Variants in INTS4 observed in about 807,000 individuals in gnomAD.
The protein encoded by INTS4 is MSTP093.
Under a neutral mutation model 119.5 loss-of-function variants are expected in INTS4, and 70 were observed. The ratio of observed to expected loss-of-function variants is 0.59; its 90% CI spans 0.48 to 0.71. The LOEUF (loss-of-function observed/expected upper bound fraction) is 0.71, where lower values mean the gene tolerates loss of function less well. Among genes scored for constraint, INTS4 ranks in the 30% least tolerant of loss-of-function variants. INTS4 has a pLI of 0.00. For synonymous variants in INTS4, 316 were observed against 419.6 expected (o/e 0.75, Z 3.02); for missense variants, 867 against 1,173.2 (o/e 0.74, Z 3.81).
downstream of INTS4, among the ~76,000 whole-genome samples, chr11:77,876,645 CT>C (rs1951602867): frequency 6.6e-6 from 1 of 152,128 alleles, no homozygotes; most frequent in African/African-American, 2.4e-5. Context: ...TCTTACACAG[CT>C]TTTAAAAATG....
At chr11:77,988,257 C>G (rs577304470) in intron 2 of INTS4, among the ~76,000 whole-genome samples, 2 of 152,134 alleles carry the variant, frequency 1.3e-5, no homozygotes, top group Non-Finnish European at 2.9e-5. Context: ...ACAATTGCAA[C>G]GCATAAGACT....
At chr11:77,964,710 G>A (rs1045320987) in intron 4 of INTS4, among the ~76,000 whole-genome samples, 1 of 151,852 alleles carries the variant, frequency 6.6e-6, no homozygotes, top group Non-Finnish European at 1.5e-5. Context: ...AGGAAGGAAT[G>A]AGGAAGGGCA....
chr11:77,885,058 C>A (rs687037), intron 21 of INTS4: 26,380 of 156,716 alleles, frequency 0.17, 2,652 homozygotes, highest in Middle Eastern at 0.24. Flanking sequence ...TTGTGCCCAG[C>A]CTACCCTTAT....
intron 21 of INTS4, among the ~76,000 whole-genome samples, chr11:77,890,431 C>G (rs1446695773): frequency 6.6e-6 from 1 of 151,946 alleles, no homozygotes; most frequent in Non-Finnish European, 1.5e-5. Flanking sequence ...CCCTTTGGCC[C>G]TTCTCTCATA....
intron 15 of INTS4, among the ~76,000 whole-genome samples, chr11:77,912,736 G>C (rs10751278): frequency 0.75 from 113,503 of 152,112 alleles, 42,867 homozygotes; most frequent in African/African-American, 0.86. Flanking sequence ...TCTAAAACGC[G>C]ATCTTTATTC....
intron 4 of INTS4, among the ~76,000 whole-genome samples, chr11:77,966,112 T>C (rs1174466820): frequency 6.6e-6 from 1 of 152,244 alleles, no homozygotes; most frequent in Non-Finnish European, 1.5e-5. Context: ...CTGTAAGAAG[T>C]GTCTGTTCTG....
In INTS4 at chr11:77,960,395, G is replaced by A; in HGVS notation, c.658-4C>T. 1 of 1,570,656 alleles carries A rather than the reference G, an allele frequency of 6.4e-7. No homozygotes were observed. The highest frequency in any genetic ancestry group is 8.7e-7 in the Non-Finnish European group (1 of 1,142,940). On this transcript the variant is annotated splice_polypyrimidine_tract_variant and splice_region_variant and intron_variant, in intron 5 of 22. Transcript: ENST00000534064. ...GTCCTCTTTCATGGAGCTGCAACTA[G>A]ATAATAAATATATAGTTTAAGTGCT...
chr11:77,875,822 C>A (rs1177881559), downstream of INTS4, among the ~76,000 whole-genome samples: 1 of 152,154 alleles, frequency 6.6e-6, no homozygotes, highest in African/African-American at 2.4e-5. Flanking sequence ...CTGAGGAGCA[C>A]ATTCCCAGGC....
At chr11:77,962,445 T>C (rs1035170776) in intron 4 of INTS4, among the ~76,000 whole-genome samples, 1 of 152,192 alleles carries the variant, frequency 6.6e-6, no homozygotes, top group Non-Finnish European at 1.5e-5. Context: ...TAATAAATTA[T>C]CAGTTTTCCT....
chr11:77,901,224 A>G (rs537140879), intron 18 of INTS4, 197 bp downstream of exon 18: 13 of 654,614 alleles, frequency 2.0e-5, no homozygotes, highest in African/African-American at 1.8e-4. Flanking sequence ...GAGAGACACA[A>G]TTGGATTTCC....
In INTS4 at chr11:77,892,830, G is replaced by A. The variant is rs566198809; in HGVS notation, c.2289-990C>T. Among the ~76,000 whole-genome samples, 9 of 152,204 alleles carry A rather than the reference G, an allele frequency of 5.9e-5. No individual in the cohort carries two copies. The South Asian group carries it at 1.2e-3, about 21-fold the overall frequency. ...GAACTCCTGACCTCGTGATCCACCC[G>A]CCTCAGCCTCCCAAAGTGCTGGGAT... On this transcript the variant is annotated intron_variant, in intron 19 of 22. Transcript: ENST00000534064.
chr11:77,979,094 G>T lies in INTS4; in HGVS notation c.373C>A (p.Gln125Lys), dbSNP rs1021612893. 4 of 1,602,030 alleles carry T rather than the reference G, an allele frequency of 2.5e-6. No individual in the cohort carries two copies. Among genetic ancestry groups the T allele is most frequent in the Non-Finnish European group, 3.4e-6 (4 of 1,169,486 alleles). The change falls in exon 4 of 23, where the codon CAA becomes AAA. Residue 125 changes from glutamine (Q) to lysine (K), a missense_variant. Transcript: ENST00000534064. ...INILQNEKSH[Q>K]VLAQLLDTLL... is the part of the protein sequence containing the mutation. ...GTATCCAGCAGTTGAGCTAGGACTT[G>T]ATGAGACTCTAGAGAGGGAGATAGA...
chr11:77,972,865 T>C (rs1280434173), intron 4 of INTS4, among the ~76,000 whole-genome samples: 1 of 151,646 alleles, frequency 6.6e-6, no homozygotes, highest in Non-Finnish European at 1.5e-5. Flanking sequence ...TAGGGTCTCA[T>C]TCTGCTGCCC....
intron 7 of INTS4, 34 bp from the exon 8 acceptor site, chr11:77,956,096 A>G: frequency 1.9e-6 from 3 of 1,568,896 alleles, no homozygotes; most frequent in Non-Finnish European, 2.6e-6. Context: ...AATCACTTAG[A>G]ACAAAACATG....
intron 8 of INTS4, among the ~76,000 whole-genome samples, chr11:77,949,302 G>C (rs1308115361): frequency 6.6e-6 from 1 of 152,010 alleles, no homozygotes; most frequent in African/African-American, 2.4e-5. Context: ...TCAGGACATA[G>C]GCATGGGCAA....
intron 10 of INTS4, among the ~76,000 whole-genome samples, chr11:77,932,653 C>T (rs912451907): frequency 6.6e-6 from 1 of 152,116 alleles, no homozygotes; most frequent in Non-Finnish European, 1.5e-5. Flanking sequence ...AGAACACATG[C>T]ACACATATGT....
intron 10 of INTS4, among the ~76,000 whole-genome samples, chr11:77,937,815 C>CTGTA (rs1555031779): frequency 1.5e-5 from 2 of 129,862 alleles, no homozygotes; most frequent in Non-Finnish European, 3.1e-5. Context: ...AAATATCTTT[C>CTGTA]TGTATTTATT....
At chr11:77,919,908 A>G (rs1334009578) in intron 14 of INTS4, among the ~76,000 whole-genome samples, 1 of 152,038 alleles carries the variant, frequency 6.6e-6, no homozygotes, top group Non-Finnish European at 1.5e-5. Context: ...TCCTGGGTTC[A>G]AGCAATTCTC....
chr11:77,963,271 CCCTTA>C (rs1386606385), intron 4 of INTS4, among the ~76,000 whole-genome samples: 3 of 150,660 alleles, frequency 2.0e-5, no homozygotes, highest in Non-Finnish European at 2.9e-5. Flanking sequence ...TGATGTCCTT[CCCTTA>C]CAAGTCACTT....
Sources: allele counts gnomAD v4.1 joint callset (sites outside exome capture counted in the v4.1 genomes callset), GRCh38; gene constraint gnomAD v4.1.1; transcripts MANE v1.5; gene names NCBI Gene and HGNC (gene_info 2026-07-23, HGNC 2026-07-21).